The following FOCAD variants were observed in gnomAD, a reference collection of about 807,000 sequenced individuals.
FOCAD encodes focadhesin.
In FOCAD, 198 loss-of-function variants were observed where a neutral mutation model predicts 225.6. The ratio of observed to expected loss-of-function variants is 0.88; its 90% CI spans 0.78 to 0.99. FOCAD has a LOEUF of 0.99. Ranked by LOEUF, FOCAD falls within the 50% of genes least tolerant of loss-of-function variation. The probability of loss-of-function intolerance (pLI) is 0.00; values close to 1 mark genes in which losing one functional copy is unlikely to be tolerated. For missense variants in FOCAD, 2,713 were observed against 2,123.6 expected (o/e 1.28, Z -5.46); for synonymous variants, 897 against 755.0 (o/e 1.19, Z -3.08).
At chr9:20,698,367 C>T (rs1823556597) in intron 1 of FOCAD, among the ~76,000 whole-genome samples, 1 of 151,626 alleles carries the variant, frequency 6.6e-6, no homozygotes, top group Admixed American at 6.6e-5. Flanking sequence ...TATGTGTATA[C>T]ACACACACAC....
At chr9:20,947,164 A>G (rs1407387668) in intron 30 of FOCAD, among the ~76,000 whole-genome samples, 2 of 152,202 alleles carry the variant, frequency 1.3e-5, no homozygotes, top group Non-Finnish European at 2.9e-5. Flanking sequence ...TTGTGACGAT[A>G]TGAATACATA....
intron 11 of FOCAD, among the ~76,000 whole-genome samples, chr9:20,815,123 G>GTTTTTTTTTTTTTTTTTTT (rs71334554): frequency 3.5e-5 from 3 of 85,394 alleles, no homozygotes; most frequent in Non-Finnish European, 4.5e-5. Context: ...ACTTCTCTTT[G>GTTTTTTTTTTTTTTTTTTT]TTTTTTTTTT....
intron 5 of FOCAD, among the ~76,000 whole-genome samples, chr9:20,754,525 G>C (rs1259254524): frequency 4.6e-5 from 7 of 151,336 alleles, no homozygotes; most frequent in African/African-American, 1.7e-4. Flanking sequence ...TCAGTGTTAG[G>C]AAAGGTGAAA....
intron 15 of FOCAD, among the ~76,000 whole-genome samples, chr9:20,841,653 T>A (rs1358959119): frequency 6.6e-6 from 1 of 151,900 alleles, no homozygotes; most frequent in Admixed American, 6.6e-5. Context: ...TTTCTTTTTT[T>A]AATTAGTCTG....
intron 7 of FOCAD, among the ~76,000 whole-genome samples, chr9:20,765,905 C>T (rs1272016409): frequency 6.6e-6 from 1 of 152,196 alleles, no homozygotes. Flanking sequence ...TGAGGTCACA[C>T]ATGACCTGCT....
intron 35 of FOCAD, among the ~76,000 whole-genome samples, chr9:20,962,490 G>A (rs998590560): frequency 1.3e-5 from 2 of 151,304 alleles, no homozygotes; most frequent in African/African-American, 4.9e-5. Context: ...CCTATAAGCA[G>A]CATTTAGCTG....
intron 4 of FOCAD, among the ~76,000 whole-genome samples, chr9:20,731,360 A>G (rs796476287): frequency 5.3e-5 from 8 of 152,330 alleles, no homozygotes; most frequent in African/African-American, 1.9e-4. Flanking sequence ...CCCAGTATTT[A>G]CAGTTATCCT....
chr9:20,657,784 A>T (rs1416873659), upstream of FOCAD, among the ~76,000 whole-genome samples: 2 of 55,022 alleles, frequency 3.6e-5, no homozygotes, highest in Non-Finnish European at 3.5e-5. Flanking sequence ...AGCTCATCAA[A>T]GTCATTCTCC....
rs766451748 is a variant in FOCAD at position 20,986,456 on chromosome 9, G to C, written c.4897G>C (p.Ala1633Pro). The C allele has an allele frequency of 1.9e-6, 3 of 1,608,682 alleles. No homozygotes were observed. Among genetic ancestry groups the C allele is most frequent in the Non-Finnish European group, 2.5e-6 (3 of 1,178,128 alleles). Residue 1633 changes from alanine (A) to proline (P), a missense_variant, in exon 40 of 44, where the codon GCC becomes CCC. Ala to Pro is a conservative substitution (Grantham distance 27). Coordinates refer to ENST00000338382, the MANE Select transcript of FOCAD (RefSeq NM_001375567.1). The part of the protein sequence containing the change: ...SLYQARIVSH[A>P]NTGVLKRMEW... ...ATACCAGGCACGGATTGTGAGCCAT[G>C]CCAATACGGGTGAGGACACCCTGGG...
At chr9:20,691,176 C>T (rs1442319412) in intron 1 of FOCAD, among the ~76,000 whole-genome samples, 1 of 152,160 alleles carries the variant, frequency 6.6e-6, no homozygotes, top group Non-Finnish European at 1.5e-5. Flanking sequence ...CTCCTGACCT[C>T]AAGTGATCCA....
Position 20,855,674 on chromosome 9 carries a change from C to A in FOCAD, c.1921-6904C>A, listed in dbSNP as rs565910799. Among the ~76,000 whole-genome samples the A allele has an allele frequency of 9.8e-4, 148 of 151,546 alleles. 4 individuals are homozygous for A. The South Asian group carries it at 0.03, about 30-fold the overall frequency. On this transcript the variant is annotated intron_variant, in intron 15 of 43. Transcript: ENST00000338382. ...TATTGTTAACTGTTGTCACTCTATT[C>A]TATCAAATGCTAGCCCTTATTCTCA...
At chr9:20,965,402 A>G (rs1839168251) in intron 35 of FOCAD, among the ~76,000 whole-genome samples, 1 of 152,188 alleles carries the variant, frequency 6.6e-6, no homozygotes, top group African/African-American at 2.4e-5. Context: ...GAGAACAGAA[A>G]GATATCAGGC....
At chr9:20,962,711 T>C (rs1283072727) in intron 35 of FOCAD, among the ~76,000 whole-genome samples, 1 of 152,204 alleles carries the variant, frequency 6.6e-6, no homozygotes, top group African/African-American at 2.4e-5. Context: ...ACTGTTTATA[T>C]CAGGGTTCTT....
chr9:20,723,370 C>T (rs1429692838), intron 4 of FOCAD, among the ~76,000 whole-genome samples: 1 of 152,180 alleles, frequency 6.6e-6, no homozygotes, highest in African/African-American at 2.4e-5. Context: ...TGCCTGTAAT[C>T]CCAGCTACTC....
intron 37 of FOCAD, among the ~76,000 whole-genome samples, chr9:20,979,931 G>C (rs915360766): frequency 1.2e-4 from 19 of 152,250 alleles, no homozygotes; most frequent in Middle Eastern, 3.4e-3. Flanking sequence ...CTGTTTTAAA[G>C]TGTAAAATGT....
intron 11 of FOCAD, among the ~76,000 whole-genome samples, chr9:20,808,163 A>T (rs1822665751): frequency 6.6e-6 from 1 of 152,174 alleles, no homozygotes; most frequent in Admixed American, 6.5e-5. Context: ...GAGTTTTTCA[A>T]ATGGGGTTTT....
At chr9:20,902,383 G>A (rs895992901) in intron 21 of FOCAD, among the ~76,000 whole-genome samples, 3 of 151,920 alleles carry the variant, frequency 2.0e-5, no homozygotes, top group African/African-American at 4.8e-5. Flanking sequence ...GAATCGGTTC[G>A]TAATTTGATG....
rs1421609405 is a variant in FOCAD at position 20,720,545 on chromosome 9, C to T, written c.287+11C>T. 2 of 1,612,956 alleles carry T rather than the reference C, an allele frequency of 1.2e-6. No homozygotes were observed. The highest frequency in any genetic ancestry group is 2.2e-5 in the South Asian group (2 of 90,926). On this transcript the variant is annotated intron_variant, in intron 4 of 43. Transcript: ENST00000338382. ...GATTCCATCAACCAGGTACTTTTTC[C>T]TCAGTGTTTGGTCAGTTAATGATTT...
intron 29 of FOCAD, among the ~76,000 whole-genome samples, chr9:20,945,867 T>C (rs893679165): frequency 9.8e-5 from 15 of 152,320 alleles, no homozygotes; most frequent in African/African-American, 3.6e-4. Context: ...TTGAATTTTC[T>C]ACTTTGTCTT....
Sources: gnomAD v4.1 joint callset for allele counts (sites outside exome capture counted in the v4.1 genomes callset) on GRCh38, gnomAD v4.1.1 for gene constraint, MANE v1.5 for transcripts, NCBI Gene and HGNC (gene_info 2026-07-23, HGNC 2026-07-21) for gene names.